The following SIGLEC11 variants were observed in gnomAD, a reference collection of about 807,000 sequenced individuals.
The protein encoded by SIGLEC11 is sialic acid-binding Ig-like lectin 11.
A neutral mutation model predicts 61.2 loss-of-function variants in SIGLEC11; 47 were observed. The observed-to-expected ratio is 0.77, with a 90% CI of 0.61 to 0.98. SIGLEC11 has a LOEUF of 0.98. Among genes scored for constraint, SIGLEC11 ranks in the 50% least tolerant of loss-of-function variants. The pLI is 0.00. For synonymous variants in SIGLEC11, 278 were observed against 373.1 expected (o/e 0.75, Z 2.94); for missense variants, 610 against 870.3 (o/e 0.70, Z 3.76).
Position 49,959,304 on chromosome 19 carries a change from C to G in SIGLEC11, c.1057+56G>C. 9.5e-6 allele frequency: 15 copies of G among 1,581,044 alleles called. 1 individual carries two copies. Among genetic ancestry groups the G allele is most frequent in the Admixed American group, 5.2e-5 (3 of 57,644 alleles). On this transcript the variant is annotated intron_variant, in intron 5 of 10. Transcript: ENST00000447370. ...CTCAGCTCTGGGACCCTGAGCCCAG[C>G]CCCTGTATCCCTCTGCCCTCCCAAT...
intron 8 of SIGLEC11, among the ~76,000 whole-genome samples, chr19:49,957,579 G>A (rs967228269): frequency 6.6e-6 from 1 of 151,526 alleles, no homozygotes; most frequent in Non-Finnish European, 1.5e-5. Flanking sequence ...GGCTTCTTAA[G>A]CACAATTATG....
At chr19:49,952,039 A>G in intron 9 of SIGLEC11, 67 bp from the exon 10 acceptor site, 2 of 1,473,682 alleles carry the variant, frequency 1.4e-6, no homozygotes, top group African/African-American at 1.4e-5. Flanking sequence ...TGCTACCCAC[A>G]TGGCTTAGCA....
chr19:49,955,314 C>CAAAAAAAAAAAAAA lies in SIGLEC11; in HGVS notation c.1652-2934_1652-2921dup, dbSNP rs71180665. Reference sequence around the variant, plus strand: ...CGGGGACTGGCCCCAGAAAAAAAGCCAAAAAAAAAAAAAAAAAGAAAGGCA... The same window carrying CAAAAAAAAAAAAAA: ...CGGGGACTGGCCCCAGAAAAAAAGCCAAAAAAAAAAAAAAAAAAAAAAAAAAAAAAAGAAAGGCA... On this transcript the variant is annotated intron_variant, in intron 8 of 10. Coordinates refer to ENST00000447370, the MANE Select transcript of SIGLEC11 (RefSeq NM_052884.3). This position sits in a 1 kb window ranked among gnomAD's most constrained non-coding sequence, Gnocchi z 4.5. 2.0e-5 allele frequency among the ~76,000 whole-genome samples: 2 copies of CAAAAAAAAAAAAAA among 102,548 alleles called. No individual in the cohort carries two copies. Among genetic ancestry groups the CAAAAAAAAAAAAAA allele is most frequent in the Non-Finnish European group, 4.1e-5 (2 of 49,174 alleles). The allele number at this position is 102,548 out of a possible 152,430, so 67.3% of individuals were successfully genotyped here. A position where few individuals can be genotyped will look rare whatever the true frequency, so the allele number is the denominator to read the frequency against.
chr19:49,960,987 C>T lies in SIGLEC11; in HGVS notation c.76+19G>A, dbSNP rs1409233972. ...AGCCCCAGCCCCTGCCTGGGACCCC[C>T]AGCCACCGACCCACTCACCCGCCCC... On this transcript the variant is annotated intron_variant, in intron 1 of 10. Coordinates refer to ENST00000447370, the MANE Select transcript of SIGLEC11 (RefSeq NM_052884.3). 8.1e-7 allele frequency: 1 copy of T among 1,227,516 alleles called. No individual in the cohort carries two copies. Among genetic ancestry groups the T allele is most frequent in the East Asian group, 2.5e-5 (1 of 39,960 alleles). The allele number at this position is 1,227,516 out of a possible 1,614,324, so 76.0% of individuals were successfully genotyped here. A position where few individuals can be genotyped will look rare whatever the true frequency, so the allele number is the denominator to read the frequency against.
intron 6 of SIGLEC11, 55 bp from the exon 7 acceptor site, chr19:49,958,955 G>C: frequency 6.2e-7 from 1 of 1,612,882 alleles, no homozygotes; most frequent in East Asian, 2.2e-5. Context: ...GGACCCTCCT[G>C]TGTGGGGACC....
intron 5 of SIGLEC11, 98 bp downstream of exon 5, chr19:49,959,262 C>A: frequency 6.4e-7 from 1 of 1,551,656 alleles, no homozygotes; most frequent in Non-Finnish European, 8.7e-7. Flanking sequence ...TCCCCGAGGC[C>A]TGGGGTTCAA....
At position 49,949,925 on chromosome 19, in the gene SIGLEC11, C is replaced by A. The variant is rs770138780; in HGVS notation, c.*45G>T. 7.2e-7 allele frequency: 1 copy of A among 1,379,510 alleles called. No homozygotes were observed. The highest frequency in any genetic ancestry group is 9.5e-7 in the Non-Finnish European group (1 of 1,056,832). 85.5% of individuals were successfully genotyped at this position (1,379,510 alleles called of 1,614,324 possible). On this transcript the variant is annotated 3_prime_UTR_variant, in exon 11 of 11. Coordinates refer to ENST00000447370, the MANE Select transcript of SIGLEC11 (RefSeq NM_052884.3). ...TCCAGTTCTGGCCGTCACACCAGTGCGACTCCCACACACTTGCTGGTGTCC... is the reference window on the plus strand; with the variant it reads ...TCCAGTTCTGGCCGTCACACCAGTGAGACTCCCACACACTTGCTGGTGTCC...
Position 49,956,854 on chromosome 19 carries a change from C to T in SIGLEC11, c.1651+1429G>A, listed in dbSNP as rs2076200011. Among the ~76,000 whole-genome samples, 3 of 151,438 alleles carry T rather than the reference C, an allele frequency of 2.0e-5. No individual in the cohort carries two copies. In the South Asian group the frequency reaches 6.3e-4, roughly 32 times the overall value. ...AAATGAAGAATGTTATCTATCAGAA[C>T]AGGTTAGCTTTGGACTACTCCTAGC... On this transcript the variant is annotated intron_variant, in intron 8 of 10. Transcript: ENST00000447370.
At position 49,959,056 on chromosome 19, in the gene SIGLEC11, A is replaced by G. The variant is rs1180351597; in HGVS notation, c.1079T>C (p.Val360Ala). 1 of 1,613,332 alleles carries G rather than the reference A, an allele frequency of 6.2e-7. No homozygotes were observed. The highest frequency in any genetic ancestry group is 8.5e-7 in the Non-Finnish European group (1 of 1,179,730). The change falls in exon 6 of 11, where the codon GTG becomes GCG. Residue 360 changes from valine (V) to alanine (A), a missense_variant. Coordinates refer to ENST00000447370, the MANE Select transcript of SIGLEC11 (RefSeq NM_052884.3). ...TGTCCTGTTTGCTTGGGAAACCATC[A>G]CTCTCAGGTTCTCTGGAGGATCTGA... The part of the protein sequence containing the change: ...SVQYPPENLR[V>A]MVSQANRTVL...
intron 8 of SIGLEC11, among the ~76,000 whole-genome samples, 156 bp from the exon 9 acceptor site, chr19:49,952,550 G>T (rs1328499525): frequency 6.6e-6 from 1 of 152,136 alleles, no homozygotes; most frequent in Non-Finnish European, 1.5e-5. Flanking sequence ...AAAGTAACAG[G>T]CAAGGAAAGG....
chr19:49,954,903 T>G (rs2076185434), intron 8 of SIGLEC11, among the ~76,000 whole-genome samples: 1 of 152,140 alleles, frequency 6.6e-6, no homozygotes, highest in Non-Finnish European at 1.5e-5. Flanking sequence ...GAGACACTTC[T>G]GCAAGGGATA....
chr19:49,953,940 A>C (rs2076177493), intron 8 of SIGLEC11, among the ~76,000 whole-genome samples: 1 of 152,198 alleles, frequency 6.6e-6, no homozygotes, highest in Non-Finnish European at 1.5e-5. Context: ...CTCTCTTTGA[A>C]TTAGAATGAC....
At chr19:49,954,450 T>C (rs1249314924) in intron 8 of SIGLEC11, among the ~76,000 whole-genome samples, 1 of 152,170 alleles carries the variant, frequency 6.6e-6, no homozygotes, top group East Asian at 1.9e-4. Flanking sequence ...GCTTGAGCTA[T>C]GCAAATGCCT....
Position 49,952,303 on chromosome 19 carries a change from G to A in SIGLEC11, c.1743C>T (p.Val581=), listed in dbSNP as rs1240119738. 13 of 1,612,720 alleles carry A rather than the reference G, an allele frequency of 8.1e-6. No individual in the cohort carries two copies. The highest frequency in any genetic ancestry group is 8.5e-6 in the Non-Finnish European group (10 of 1,179,932). The change falls in exon 9 of 11, where the codon GTC becomes GTT. Residue 581 remains valine (V), a synonymous_variant. Transcript: ENST00000447370. ...GCCTGCCCTCCGATGCTTACCTGAAGACGACAAGGCAGGAACAGAAAGCGA... is the reference window on the plus strand; with the variant it reads ...GCCTGCCCTCCGATGCTTACCTGAAAACGACAAGGCAGGAACAGAAAGCGA... ...ALLAFCSCLV[V]FRVKICRKEA...
Position 49,955,314 on chromosome 19 carries a change from CAAA to C in SIGLEC11, c.1652-2923_1652-2921del, listed in dbSNP as rs71180665. On this transcript the variant is annotated intron_variant, in intron 8 of 10. Transcript: ENST00000447370. The surrounding 1 kb of genome is among the most constrained non-coding windows in gnomAD (Gnocchi z 4.5). Reference sequence around the variant, plus strand: ...CGGGGACTGGCCCCAGAAAAAAAGCCAAAAAAAAAAAAAAAAAGAAAGGCATAA... The same window carrying C: ...CGGGGACTGGCCCCAGAAAAAAAGCCAAAAAAAAAAAAAAGAAAGGCATAA... Among the ~76,000 whole-genome samples, 3 of 102,532 alleles carry C rather than the reference CAAA, an allele frequency of 2.9e-5. No homozygotes were observed. The highest frequency in any genetic ancestry group is 4.0e-5 in the African/African-American group (1 of 24,704). 67.3% of individuals were successfully genotyped at this position (102,532 alleles called of 152,430 possible).
Position 49,955,007 on chromosome 19 carries a change from T to C in SIGLEC11, c.1652-2613A>G, listed in dbSNP as rs141255240. On this transcript the variant is annotated intron_variant, in intron 8 of 10. Transcript: ENST00000447370. The surrounding 1 kb of genome is among the most constrained non-coding windows in gnomAD (Gnocchi z 4.5). ...CCCAAGTCAGTTTTATAAAAAACTT[T>C]GTGAAGCATTCCGGCCTTACACCCT... Among the ~76,000 whole-genome samples, 27 of 152,296 alleles carry C rather than the reference T, an allele frequency of 1.8e-4. No homozygotes were observed. In the East Asian group the frequency reaches 5.2e-3, roughly 29 times the overall value.
At position 49,952,394 on chromosome 19, in the gene SIGLEC11, C is replaced by G. The variant is rs926382153; in HGVS notation, c.1652G>C (p.Gly551Ala). Residue 551 changes from glycine to alanine, a missense_variant and splice_region_variant, in exon 9 of 11, where the codon GGG (glycine) becomes GCG (alanine). Around this residue, in one of 6 missense-constraint regions of SIGLEC11, gnomAD observed 432 missense variants for 441.5 expected, o/e 0.98. Transcript: ENST00000447370. Reference sequence around the variant, plus strand: ...AAGTCCTCCCCCATGCTCCAGCTTCCCTGCATGGGAGCAGGGTTTGGGGTG... The same window carrying G: ...AAGTCCTCCCCCATGCTCCAGCTTCGCTGCATGGGAGCAGGGTTTGGGGTG... ...QSGSVFQLLP[G>A]KLEHGGGLGL... 6.2e-7 allele frequency: 1 copy of G among 1,604,396 alleles called. No homozygotes were observed. Among genetic ancestry groups the G allele is most frequent in the South Asian group, 1.1e-5 (1 of 90,988 alleles).
intron 8 of SIGLEC11, among the ~76,000 whole-genome samples, chr19:49,956,498 AG>A (rs2076197256): frequency 6.6e-6 from 1 of 152,194 alleles, no homozygotes; most frequent in Admixed American, 6.5e-5. Context: ...CTAAATGGAC[AG>A]GGGCCTGTGT....
intron 8 of SIGLEC11, 139 bp downstream of exon 8, chr19:49,958,142 CAA>C: frequency 1.5e-5 from 18 of 1,223,434 alleles, no homozygotes; most frequent in Non-Finnish European, 1.1e-6. Context: ...TTTCCCGCAA[CAA>C]CTACCAGCCA....
Sources: gnomAD v4.1 joint callset for allele counts (sites outside exome capture counted in the v4.1 genomes callset) on GRCh38, gnomAD v4.1.1 for gene constraint, gnomAD v4.1.1 regional missense constraint, Gnocchi (gnomAD v3.1) non-coding constraint, MANE v1.5 for transcripts, NCBI Gene and HGNC (gene_info 2026-07-23, HGNC 2026-07-21) for gene names.